The following NRXN3 variants were observed in gnomAD, a reference collection of about 807,000 sequenced individuals.
NRXN3 encodes neurexin III.
In NRXN3, 32 loss-of-function variants were observed where a neutral mutation model predicts 137.6. That is an observed-to-expected ratio of 0.23 (90% confidence interval 0.18 to 0.31). The LOEUF (loss-of-function observed/expected upper bound fraction) is 0.31, where lower values mean the gene tolerates loss of function less well. Ranked by LOEUF, NRXN3 falls within the 10% of genes least tolerant of loss-of-function variation. The pLI is 1.00. For synonymous variants in NRXN3, 798 were observed against 784.5 expected, an observed-to-expected ratio of 1.02 and a Z score of -0.29; for missense variants, 1,574 against 2,062.5, an observed-to-expected ratio of 0.76 and a Z score of 4.59.
At chr14:78,230,004 T>G (rs2065168952) in intron 1 of NRXN3, among the ~76,000 whole-genome samples, 1 of 152,156 alleles carries the variant, frequency 6.6e-6, no homozygotes, top group African/African-American at 2.4e-5. Flanking sequence ...GCTTTTCCAA[T>G]GTAGATCCCT....
intron 15 of NRXN3, among the ~76,000 whole-genome samples, chr14:79,421,495 T>A (rs1310861675): frequency 6.6e-6 from 1 of 152,214 alleles, no homozygotes; most frequent in Non-Finnish European, 1.5e-5. Flanking sequence ...TGGTAGTGTG[T>A]GCAGGACTCA....
intron 8 of NRXN3, among the ~76,000 whole-genome samples, chr14:78,727,446 T>C (rs1413612891): frequency 6.6e-6 from 1 of 152,170 alleles, no homozygotes; most frequent in Non-Finnish European, 1.5e-5. Context: ...TTTCTTATCC[T>C]GTAAAAATGC....
In NRXN3 at chr14:79,098,906, C is replaced by T. The variant is rs538625627; in HGVS notation, c.3262+110765C>T. Among the ~76,000 whole-genome samples, 11 of 152,332 alleles carry T rather than the reference C, an allele frequency of 7.2e-5. 1 individual carries two copies. In the South Asian group the frequency reaches 1.9e-3, roughly 26 times the overall value. On this transcript the variant is annotated intron_variant, in intron 15 of 20. Transcript: ENST00000335750. ...AATTTTTCAGACGCTTCCTATCCCACCCAACCTCCAGTAGAGTTCTCCTTA... is the reference window on the plus strand; with the variant it reads ...AATTTTTCAGACGCTTCCTATCCCATCCAACCTCCAGTAGAGTTCTCCTTA...
intron 15 of NRXN3, among the ~76,000 whole-genome samples, chr14:79,037,861 A>C (rs1415175504): frequency 6.6e-6 from 1 of 152,086 alleles, no homozygotes; most frequent in Non-Finnish European, 1.5e-5. Context: ...AAGATAAAGA[A>C]GTGTAGGACG....
intron 6 of NRXN3, among the ~76,000 whole-genome samples, chr14:78,652,357 G>C (rs1004423244): frequency 2.6e-5 from 4 of 152,160 alleles, no homozygotes; most frequent in Non-Finnish European, 4.4e-5. Context: ...GAGAGCAAAG[G>C]AGCTTCAGCC....
At chr14:78,371,532 A>T (rs2153617405) in intron 4 of NRXN3, among the ~76,000 whole-genome samples, 1 of 152,340 alleles carries the variant, frequency 6.6e-6, no homozygotes, top group Non-Finnish European at 1.5e-5. Flanking sequence ...AAAGGCTGTC[A>T]CACTGACTCT....
At chr14:78,894,336 A>G (rs2099167487) in intron 10 of NRXN3, among the ~76,000 whole-genome samples, 1 of 151,986 alleles carries the variant, frequency 6.6e-6, no homozygotes, top group African/African-American at 2.4e-5. Context: ...CAATGTTCAC[A>G]GCATCTTTAC....
In NRXN3 at chr14:79,220,743, T is replaced by C. The variant is rs542941987; in HGVS notation, c.3262+232602T>C. Among the ~76,000 whole-genome samples the C allele has an allele frequency of 2.0e-5, 3 of 152,190 alleles. No individual in the cohort carries two copies. The South Asian group carries it at 6.2e-4, about 32-fold the overall frequency. On this transcript the variant is annotated intron_variant, in intron 15 of 20. Coordinates refer to ENST00000335750, the MANE Select transcript of NRXN3 (RefSeq NM_001330195.2). ...CATTTAAGTGTCTTCCATATCTTTTTTTAATATATACATATATATTTTTTA... is the reference window on the plus strand; with the variant it reads ...CATTTAAGTGTCTTCCATATCTTTTCTTAATATATACATATATATTTTTTA...
chr14:79,568,898 G>A (rs1419881125), intron 16 of NRXN3, among the ~76,000 whole-genome samples: 1 of 152,182 alleles, frequency 6.6e-6, no homozygotes, highest in East Asian at 1.9e-4. Context: ...GCTCTGAATA[G>A]CCATTTGGCC....
At chr14:78,526,696 C>G in intron 4 of NRXN3, 1 of 508,018 alleles carries the variant, frequency 2.0e-6, no homozygotes, top group East Asian at 5.5e-5. Context: ...AGGGTAAGCA[C>G]TTTCGTGCAT....
At chr14:78,423,253 A>G (rs1256357052) in intron 4 of NRXN3, among the ~76,000 whole-genome samples, 1 of 152,190 alleles carries the variant, frequency 6.6e-6, no homozygotes, top group Non-Finnish European at 1.5e-5. Context: ...GACATAGGCT[A>G]TTAGGGGAAG....
At chr14:78,913,281 T>TTTTTTC (rs2152794639) in intron 10 of NRXN3, among the ~76,000 whole-genome samples, 1 of 131,368 alleles carries the variant, frequency 7.6e-6, no homozygotes, top group East Asian at 2.2e-4. Context: ...TTTCTTTTTT[T>TTTTTTC]TTTTTTTTTT....
At chr14:79,668,274 GAAAACATTGCTATGGTACTTAT>G (rs1479260111) in intron 17 of NRXN3, among the ~76,000 whole-genome samples, 1 of 152,068 alleles carries the variant, frequency 6.6e-6, no homozygotes, top group Non-Finnish European at 1.5e-5. Flanking sequence ...GGTTGGAAGA[GAAAACATTGCTATGGTACTTAT>G]AAAACATTGC....
intron 15 of NRXN3, among the ~76,000 whole-genome samples, chr14:79,137,270 G>A (rs1229327655): frequency 6.6e-6 from 1 of 152,182 alleles, no homozygotes; most frequent in African/African-American, 2.4e-5. Flanking sequence ...GAAGGTGACA[G>A]GAGAGTGTTC....
chr14:79,338,149 T>C (rs2092382157), intron 15 of NRXN3, among the ~76,000 whole-genome samples: 1 of 151,814 alleles, frequency 6.6e-6, no homozygotes, highest in East Asian at 1.9e-4. Flanking sequence ...CTTTGAGGAA[T>C]CAGTAGGGTG....
intron 10 of NRXN3, among the ~76,000 whole-genome samples, chr14:78,838,198 A>G (rs2099002282): frequency 6.6e-6 from 1 of 152,192 alleles, no homozygotes; most frequent in Admixed American, 6.5e-5. Context: ...TCTTCCATTT[A>G]AAAAGTCTTT....
chr14:78,562,125 A>G (rs6574453), intron 4 of NRXN3, among the ~76,000 whole-genome samples: 100,514 of 151,894 alleles, frequency 0.66, 33,895 homozygotes, highest in African/African-American at 0.81. Context: ...CAGGTGGGGC[A>G]CGATGTCTCA....
intron 1 of NRXN3, among the ~76,000 whole-genome samples, chr14:78,233,424 G>A (rs998635003): frequency 5.3e-5 from 8 of 152,098 alleles, no homozygotes; most frequent in African/African-American, 1.4e-4. Flanking sequence ...ACCTCTGACC[G>A]CACCAGCCCT....
chr14:78,379,632 C>T (rs1474253942), intron 4 of NRXN3, among the ~76,000 whole-genome samples: 3 of 152,178 alleles, frequency 2.0e-5, no homozygotes, highest in African/African-American at 7.2e-5. Context: ...ATTCACTGAA[C>T]ACCTACAGCT....
Sources: allele counts gnomAD v4.1 joint callset (sites outside exome capture counted in the v4.1 genomes callset), GRCh38; gene constraint gnomAD v4.1.1; transcripts MANE v1.5; gene names NCBI Gene and HGNC (gene_info 2026-07-23, HGNC 2026-07-21).